Variants in KHDRBS2 observed in about 807,000 individuals in gnomAD.
The protein encoded by KHDRBS2 is KH domain-containing, RNA-binding, signal transduction-associated protein 2.
In KHDRBS2, 26 loss-of-function variants were observed where a neutral mutation model predicts 44.3. That is an observed-to-expected ratio of 0.59 (90% CI 0.43 to 0.81). The LOEUF (loss-of-function observed/expected upper bound fraction) is 0.81. Among genes scored for constraint, KHDRBS2 ranks in the 40% least tolerant of loss-of-function variants. The probability of loss-of-function intolerance (pLI) is 0.00; values close to 1 mark genes in which losing one functional copy is unlikely to be tolerated. For missense variants in KHDRBS2, 476 were observed against 433.1 expected (o/e 1.10, Z -0.88); for synonymous variants, 194 against 151.1 (o/e 1.28, Z -2.08).
chr6:62,151,611 C>T (rs1278457522), intron 2 of KHDRBS2, among the ~76,000 whole-genome samples: 3 of 152,160 alleles, frequency 2.0e-5, no homozygotes, highest in African/African-American at 7.2e-5. Context: ...CTTGGAGATA[C>T]AGATTAACTC....
At chr6:61,979,256 T>C (rs1045087463) in intron 3 of KHDRBS2, among the ~76,000 whole-genome samples, 2 of 152,152 alleles carry the variant, frequency 1.3e-5, no homozygotes, top group Non-Finnish European at 2.9e-5. Flanking sequence ...AATTTCAAGA[T>C]GTAAAATGTG....
intron 2 of KHDRBS2, among the ~76,000 whole-genome samples, chr6:62,049,079 A>G (rs1305592386): frequency 1.3e-5 from 2 of 151,856 alleles, no homozygotes; most frequent in Non-Finnish European, 2.9e-5. Flanking sequence ...TCCAGAATAA[A>G]AAGAAAGATG....
At chr6:61,942,643 G>A (rs1285945531) in intron 4 of KHDRBS2, among the ~76,000 whole-genome samples, 1 of 152,012 alleles carries the variant, frequency 6.6e-6, no homozygotes, top group Non-Finnish European at 1.5e-5. Flanking sequence ...GAACAAAAGG[G>A]AAAGAAAACC....
chr6:61,776,515 C>G (rs1782035214), intron 6 of KHDRBS2, among the ~76,000 whole-genome samples: 2 of 152,144 alleles, frequency 1.3e-5, no homozygotes, highest in South Asian at 4.1e-4. Context: ...GACATTTATG[C>G]AGCAAAAGAA....
chr6:61,850,322 G>A (rs955607321), intron 6 of KHDRBS2, among the ~76,000 whole-genome samples: 3 of 151,890 alleles, frequency 2.0e-5, no homozygotes, highest in Non-Finnish European at 4.4e-5. Flanking sequence ...TCTGCTTTTT[G>A]ACTAGCCCTA....
At chr6:62,046,903 A>C (rs531892785) in intron 3 of KHDRBS2, among the ~76,000 whole-genome samples, 1 of 151,986 alleles carries the variant, frequency 6.6e-6, no homozygotes. Flanking sequence ...CATTCTAAGA[A>C]AGCACCCAAA....
At chr6:62,217,980 G>T (rs977542291) in intron 1 of KHDRBS2, among the ~76,000 whole-genome samples, 2 of 151,686 alleles carry the variant, frequency 1.3e-5, no homozygotes, top group African/African-American at 4.8e-5. Context: ...TGAAGAGGAG[G>T]AATCACTCGG....
intron 7 of KHDRBS2, among the ~76,000 whole-genome samples, chr6:61,724,397 C>T (rs1423595895): frequency 6.6e-6 from 1 of 152,012 alleles, no homozygotes; most frequent in Non-Finnish European, 1.5e-5. Flanking sequence ...TATGAAGCAA[C>T]CATGTGAACA....
intron 7 of KHDRBS2, among the ~76,000 whole-genome samples, chr6:61,726,584 C>T (rs78380463): frequency 6.6e-6 from 1 of 152,252 alleles, no homozygotes; most frequent in South Asian, 2.1e-4. Context: ...CCTCAGGATA[C>T]AAAATCAGTG....
chr6:61,652,269 G>A, the KHDRBS2 span: 1 of 152,006 alleles, frequency 6.6e-6, no homozygotes, highest in Admixed American at 6.6e-5. Flanking sequence ...GTTAGGCTCT[G>A]TGTCAGGCTT....
At chr6:61,714,423 GT>G (rs1771045006) in intron 7 of KHDRBS2, among the ~76,000 whole-genome samples, 1 of 151,814 alleles carries the variant, frequency 6.6e-6, no homozygotes, top group Non-Finnish European at 1.5e-5. Flanking sequence ...AAAAGGAAAT[GT>G]TTATAAATTG....
chr6:61,735,806 A>G (rs1374275213), intron 6 of KHDRBS2, among the ~76,000 whole-genome samples: 3 of 126,346 alleles, frequency 2.4e-5, no homozygotes, highest in African/African-American at 5.6e-5. Flanking sequence ...GTCTAGGCTG[A>G]AAAAAAATGA....
At chr6:61,825,223 ATG>A (rs1408282935) in intron 6 of KHDRBS2, among the ~76,000 whole-genome samples, 1 of 152,306 alleles carries the variant, frequency 6.6e-6, no homozygotes, top group East Asian at 1.9e-4. Flanking sequence ...TTTAAAAATT[ATG>A]TTTTTCAAAG....
intron 3 of KHDRBS2, among the ~76,000 whole-genome samples, chr6:62,009,133 C>T (rs552698341): frequency 3.3e-5 from 5 of 152,046 alleles, no homozygotes; most frequent in South Asian, 2.1e-4. Flanking sequence ...ACCAAAATGC[C>T]GATAAAAATA....
intron 4 of KHDRBS2, among the ~76,000 whole-genome samples, chr6:61,910,135 C>A (rs1480483272): frequency 6.6e-6 from 1 of 152,178 alleles, no homozygotes; most frequent in African/African-American, 2.4e-5. Context: ...TTGGGTCCTG[C>A]ACAATATCAG....
chr6:62,087,334 G>A (rs1798583397), intron 2 of KHDRBS2, among the ~76,000 whole-genome samples: 1 of 151,868 alleles, frequency 6.6e-6, no homozygotes, highest in African/African-American at 2.4e-5. Context: ...TCAGAATTAG[G>A]AAGAATAATG....
chr6:62,109,648 C>A (rs1562885157), intron 2 of KHDRBS2, among the ~76,000 whole-genome samples: 1 of 151,468 alleles, frequency 6.6e-6, no homozygotes, highest in Non-Finnish European at 1.5e-5. Flanking sequence ...TTGAAAAATA[C>A]AATTAAAATA....
chr6:62,272,897 G>A (rs1295860464), intron 1 of KHDRBS2, among the ~76,000 whole-genome samples: 1 of 152,092 alleles, frequency 6.6e-6, no homozygotes, highest in Non-Finnish European at 1.5e-5. Context: ...ATAGAGAATA[G>A]GAGACTACAG....
intron 3 of KHDRBS2, among the ~76,000 whole-genome samples, chr6:62,040,253 GCAC>G (rs1326954401): frequency 1.3e-5 from 2 of 151,612 alleles, no homozygotes; most frequent in Non-Finnish European, 2.9e-5. Flanking sequence ...ACGCATGCAC[GCAC>G]ACGCACACAC....
Sources: allele counts gnomAD v4.1 joint callset (sites outside exome capture counted in the v4.1 genomes callset), GRCh38; gene constraint gnomAD v4.1.1; transcripts MANE v1.5; gene names NCBI Gene and HGNC (gene_info 2026-07-23, HGNC 2026-07-21).